The following BPI variants were observed in gnomAD, a reference collection of about 807,000 sequenced individuals.
The protein encoded by BPI is bactericidal permeability increasing protein, also known as bactericidal permeability-increasing protein.
BPI carries 48 observed loss-of-function variants against 57.6 expected under a neutral mutation model. The observed-to-expected ratio is 0.83, with a 90% CI of 0.66 to 1.06. The LOEUF is 1.06. BPI is among the 50% of genes least tolerant of loss of function. The pLI, the probability that BPI is intolerant of heterozygous loss-of-function variation, is 0.00. For missense variants in BPI, 651 were observed against 609.7 expected (o/e 1.07, Z -0.71); for synonymous variants, 237 against 238.2 (o/e 0.99, Z 0.05).
At chr20:38,333,423 A>T (rs1020172004) in intron 12 of BPI, among the ~76,000 whole-genome samples, 38 of 152,268 alleles carry the variant, frequency 2.5e-4, no homozygotes, top group Non-Finnish European at 5.1e-4. Context: ...ACTATTTTTA[A>T]TTTTTTTTAT....
intron 11 of BPI, among the ~76,000 whole-genome samples, chr20:38,327,912 C>T (rs369800395): frequency 6.6e-6 from 1 of 152,174 alleles, no homozygotes; most frequent in Admixed American, 6.5e-5. Flanking sequence ...ATAAATGTCC[C>T]GGTTCTAGCA....
In BPI at chr20:38,310,307, G is replaced by A. The variant is rs191594084; in HGVS notation, c.375-184G>A. Among the ~76,000 whole-genome samples, 16 of 152,308 alleles carry A rather than the reference G, an allele frequency of 1.1e-4. No homozygotes were observed. In the East Asian group the frequency reaches 3.1e-3, roughly 29 times the overall value. On this transcript the variant is annotated intron_variant, in intron 3 of 14. Transcript: ENST00000642449. ...AGGCAAACATGAGTTCCGAATTCAG[G>A]TTGGATTCCTGACTCTCCCATTCGG...
At chr20:38,307,735 G>T in intron 2 of BPI, 54 bp downstream of exon 2, 1 of 1,410,802 alleles carries the variant, frequency 7.1e-7, no homozygotes, top group South Asian at 1.2e-5. Context: ...GTGTTCTGGG[G>T]ACACCAAGAG....
chr20:38,306,150 A>G (rs1230765113), intron 1 of BPI, among the ~76,000 whole-genome samples: 2 of 151,900 alleles, frequency 1.3e-5, no homozygotes, highest in African/African-American at 4.8e-5. Flanking sequence ...TCCTGCCTCA[A>G]CCTCCCAAGT....
At chr20:38,317,891 T>C (rs1472314416) in intron 5 of BPI, 8 of 984,996 alleles carry the variant, frequency 8.1e-6, no homozygotes, top group Non-Finnish European at 9.6e-6. Context: ...GACAGGGGGA[T>C]TGGGGTGGAG....
Position 38,327,610 on chromosome 20 carries a change from T to A in BPI, c.1184T>A (p.Val395Asp). 1 of 1,613,432 alleles carries A rather than the reference T, an allele frequency of 6.2e-7. No homozygotes were observed. The highest frequency in any genetic ancestry group is 1.1e-5 in the South Asian group (1 of 91,068). ...CAGCACACAACTGGTTCCATGGAGG[T>A]CAGCGCCGAGTCCAACAGGCTTGTT... ...IGMHTTGSME[V>D]SAESNRLVGE... The change falls in exon 11 of 15, where the codon GTC becomes GAC. Residue 395 changes from valine (V) to aspartate (D), a missense_variant. Val to Asp is a radical substitution (Grantham distance 152). Coordinates refer to ENST00000642449, the MANE Select transcript of BPI (RefSeq NM_001725.3).
chr20:38,324,813 T>C lies in BPI; in HGVS notation c.973T>C (p.Phe325Leu). The C allele has an allele frequency of 6.2e-7, 1 of 1,613,234 alleles. No homozygotes were observed. Among genetic ancestry groups the C allele is most frequent in the Non-Finnish European group, 8.5e-7 (1 of 1,179,192 alleles). Residue 325 changes from phenylalanine to leucine, a missense_variant, in exon 9 of 15, where the codon TTT becomes CTT. By Grantham distance (22) the Phe-to-Leu change is conservative. Transcript: ENST00000642449. ...CAAATTTCGACTGACAACCAAGTTC[T>C]TTGGAACCTTCCTACCTGAGGTATG... ...ESKFRLTTKF[F>L]GTFLPEVAKK...
In BPI at chr20:38,310,596, C is replaced by T. The variant is rs762288593; in HGVS notation, c.480C>T (p.Ser160=). ...PTSGKPTITC[S]SCSSHINSVH... is the part of the protein sequence containing the mutation. ...CAGGCAAGCCCACCATCACCTGCTCCAGCTGCAGCAGCCACATCAACAGTG... is the reference window on the plus strand; with the variant it reads ...CAGGCAAGCCCACCATCACCTGCTCTAGCTGCAGCAGCCACATCAACAGTG... The change falls in exon 4 of 15, where the codon TCC becomes TCT. Residue 160 remains serine, a synonymous_variant. Coordinates refer to ENST00000642449, the MANE Select transcript of BPI (RefSeq NM_001725.3). 208 of 1,614,060 alleles carry T rather than the reference C, an allele frequency of 1.3e-4. No homozygotes were observed. Among genetic ancestry groups the T allele is most frequent in the Non-Finnish European group, 1.7e-4 (206 of 1,180,026 alleles).
At chr20:38,334,713 G>T (rs1464630095) in intron 13 of BPI, among the ~76,000 whole-genome samples, 2 of 152,164 alleles carry the variant, frequency 1.3e-5, no homozygotes. Flanking sequence ...GCGTGAGTTT[G>T]TCCTTACAAA....
chr20:38,336,950 T>C (rs969974792), intron 14 of BPI, among the ~76,000 whole-genome samples, 196 bp from the exon 15 acceptor site: 9 of 152,070 alleles, frequency 5.9e-5, no homozygotes, highest in Non-Finnish European at 5.9e-5. Context: ...GGGAAGCTGC[T>C]GACAGATTCG....
intron 8 of BPI, 64 bp downstream of exon 8, chr20:38,324,110 GAC>G: frequency 1.2e-5 from 18 of 1,546,170 alleles, no homozygotes; most frequent in Admixed American, 2.0e-5. Context: ...AGACCTTCCA[GAC>G]AAATCTGGAA....
chr20:38,326,437 G>A lies in BPI; in HGVS notation c.1161+5G>A. 1 of 1,611,614 alleles carries A rather than the reference G, an allele frequency of 6.2e-7. No homozygotes were observed. The highest frequency in any genetic ancestry group is 8.5e-7 in the Non-Finnish European group (1 of 1,178,832). ...TCCCTCTTCCTGATTGGCATGGTAA[G>A]CAGTTCCTGGGTTGGACAGATGAGG... On this transcript the variant is annotated splice_donor_5th_base_variant and intron_variant, in intron 10 of 14. Coordinates refer to ENST00000642449, the MANE Select transcript of BPI (RefSeq NM_001725.3).
chr20:38,320,032 G>A (rs571497467), intron 6 of BPI, 151 bp from the exon 7 acceptor site: 38 of 644,768 alleles, frequency 5.9e-5, no homozygotes, highest in African/African-American at 2.4e-4. Flanking sequence ...CCCTTAAGGC[G>A]AGCTCCCTTA....
intron 11 of BPI, among the ~76,000 whole-genome samples, chr20:38,328,850 G>A (rs562083420): frequency 6.7e-6 from 1 of 150,246 alleles, no homozygotes; most frequent in African/African-American, 2.5e-5. Context: ...AAAAAAAATT[G>A]TTTTAATTAG....
intron 5 of BPI, among the ~76,000 whole-genome samples, chr20:38,315,816 CTTTCT>C (rs1224646823): frequency 9.2e-4 from 134 of 145,100 alleles, no homozygotes; most frequent in African/African-American, 3.0e-3. Context: ...ACTCTTCTTC[CTTTCT>C]TTTCTTTTCT....
chr20:38,337,124 C>A (rs1236782178), intron 14 of BPI, 22 bp from the exon 15 acceptor site: 4 of 1,600,708 alleles, frequency 2.5e-6, no homozygotes, highest in East Asian at 2.3e-5. Flanking sequence ...CAACTGGTGA[C>A]AACATTCTCA....
chr20:38,317,643 G>A (rs773419019), intron 5 of BPI: 17 of 731,428 alleles, frequency 2.3e-5, no homozygotes, highest in Non-Finnish European at 3.8e-5. Context: ...GAAGCAAGTC[G>A]GCAAGCCCAG....
chr20:38,335,575 C>T (rs997641567), intron 13 of BPI, 23 bp from the exon 14 acceptor site: 21 of 1,607,350 alleles, frequency 1.3e-5, no homozygotes, highest in Non-Finnish European at 1.8e-5. Context: ...TCTCCTGGTC[C>T]TCACCATCGG....
intron 3 of BPI, among the ~76,000 whole-genome samples, chr20:38,310,150 C>T (rs6127720): frequency 0.047 from 7,210 of 152,278 alleles, 311 homozygotes; most frequent in East Asian, 0.23. Context: ...AAAGCTGAGA[C>T]ACACACTCTG....
Sources: gnomAD v4.1 joint callset for allele counts (sites outside exome capture counted in the v4.1 genomes callset) on GRCh38, gnomAD v4.1.1 for gene constraint, MANE v1.5 for transcripts, NCBI Gene and HGNC (gene_info 2026-07-23, HGNC 2026-07-21) for gene names.